The following FOXK2 variants were observed in gnomAD, a reference collection of about 807,000 sequenced individuals.
FOXK2 encodes the protein forkhead box K2.
In FOXK2, 24 loss-of-function variants were observed where a neutral mutation model predicts 53.3. That is an observed-to-expected ratio of 0.45 (90% confidence interval 0.33 to 0.63). The LOEUF is 0.63. Ranked by LOEUF, FOXK2 falls within the 30% of genes least tolerant of loss-of-function variation. FOXK2 has a pLI of 0.03. For synonymous variants in FOXK2, 505 were observed against 407.1 expected, an observed-to-expected ratio of 1.24 and a Z score of -2.89; for missense variants, 952 against 910.5, an observed-to-expected ratio of 1.05 and a Z score of -0.59.
chr17:82,571,882 C>T lies in FOXK2; in HGVS notation c.909+12C>T, dbSNP rs769043036. 3.9e-6 allele frequency: 6 copies of T among 1,538,928 alleles called. No homozygotes were observed. The highest frequency in any genetic ancestry group is 5.2e-6 in the Non-Finnish European group (6 of 1,148,362). On this transcript the variant is annotated intron_variant, in intron 4 of 8. Coordinates refer to ENST00000335255, the MANE Select transcript of FOXK2 (RefSeq NM_004514.4). The stretch of plus-strand genomic sequence containing the variant: ...ACAAGGGCTGGCAGGTAAATGCCTT[C>T]AGTTTGTTGTTAAATAGAGGCTGAT...
At chr17:82,571,296 A>G (rs2044914908) in intron 3 of FOXK2, among the ~76,000 whole-genome samples, 1 of 152,042 alleles carries the variant, frequency 6.6e-6, no homozygotes, top group Non-Finnish European at 1.5e-5. Flanking sequence ...TATTACTTTC[A>G]TAGTAAGAAA....
intron 8 of FOXK2, chr17:82,600,148 C>T (rs1040747838): frequency 6.6e-6 from 1 of 152,376 alleles, no homozygotes; most frequent in East Asian, 1.9e-4. Flanking sequence ...AGAAGTGCCC[C>T]CTGGGGAGGT....
chr17:82,600,397 G>T (rs1446775496), intron 8 of FOXK2: 1 of 152,276 alleles, frequency 6.6e-6, no homozygotes, highest in Non-Finnish European at 1.5e-5. Flanking sequence ...ATTCTCAAGA[G>T]TCCAGAGGCC....
In FOXK2 at chr17:82,571,845, A is replaced by G; in HGVS notation, c.884A>G (p.Tyr295Cys). Residue 295 changes from tyrosine to cysteine, a missense_variant, in exon 4 of 9, where the codon TAC (tyrosine) becomes TGC (cysteine). This residue lies in a region of FOXK2 where 160 missense variants were observed against 214.2 expected (regional missense o/e 0.75). Coordinates refer to ENST00000335255, the MANE Select transcript of FOXK2 (RefSeq NM_004514.4). Reference sequence around the variant, plus strand: ...CACATCACTAAAAATTATCCCTACTACAGGACTGCGGACAAGGGCTGGCAG... The same window carrying G: ...CACATCACTAAAAATTATCCCTACTGCAGGACTGCGGACAAGGGCTGGCAG... ...YTHITKNYPY[Y>C]RTADKGWQNS... 6.3e-7 allele frequency: 1 copy of G among 1,587,682 alleles called. No individual in the cohort carries two copies. The highest frequency in any genetic ancestry group is 8.5e-7 in the Non-Finnish European group (1 of 1,170,234).
chr17:82,595,057 G>T (rs2045295680), intron 8 of FOXK2, among the ~76,000 whole-genome samples: 1 of 152,176 alleles, frequency 6.6e-6, no homozygotes, highest in Admixed American at 6.6e-5. Context: ...AGTAAATGGA[G>T]GAATAGAAAC....
At chr17:82,560,323 T>G (rs2044779529) in intron 1 of FOXK2, among the ~76,000 whole-genome samples, 1 of 152,160 alleles carries the variant, frequency 6.6e-6, no homozygotes, top group East Asian at 1.9e-4. Context: ...CGCTGTTATT[T>G]AAGGGAAGCG....
rs937547633 is a variant in FOXK2, at chr17:82,602,064, C to T, written c.*565C>T. On this transcript the variant is annotated 3_prime_UTR_variant, in exon 9 of 9. Coordinates refer to ENST00000335255, the MANE Select transcript of FOXK2 (RefSeq NM_004514.4). ...AACAACGTAGTTTTGTTTTTGTTTTCAGCCTATGGAATGATTTCCTTTTGT... is the reference window on the plus strand; with the variant it reads ...AACAACGTAGTTTTGTTTTTGTTTTTAGCCTATGGAATGATTTCCTTTTGT... 6.6e-6 allele frequency: 1 copy of T among 152,600 alleles called. No individual in the cohort carries two copies. Among genetic ancestry groups the T allele is most frequent in the Non-Finnish European group, 1.5e-5 (1 of 68,172 alleles). 9.5% of individuals were successfully genotyped at this position (152,600 alleles called of 1,614,324 possible).
chr17:82,562,584 A>AG (rs1200387334), intron 1 of FOXK2, among the ~76,000 whole-genome samples: 1 of 151,868 alleles, frequency 6.6e-6, no homozygotes, highest in Non-Finnish European at 1.5e-5. Context: ...CTGTTTCTAA[A>AG]AAAAAAAAGG....
At chr17:82,581,960 A>T (rs934186419) in intron 4 of FOXK2, among the ~76,000 whole-genome samples, 8 of 152,190 alleles carry the variant, frequency 5.3e-5, no homozygotes, top group Admixed American at 1.3e-4. Flanking sequence ...GTTCAAATAA[A>T]AAAACAGGTA....
In FOXK2 at chr17:82,587,170, C is replaced by G. The variant is rs767010823; in HGVS notation, c.1684C>G (p.Gln562Glu). ...GGTCCAGACGGTGACCATAGTACAA[C>G]AGGCACCTCTAGGTCAACACCAGCT... ...TPVQTVTIVQ[Q>E]APLGQHQLPI... Residue 562 changes from glutamine to glutamate, a missense_variant, in exon 8 of 9, where the codon CAG becomes GAG. Around this residue, in one of 5 missense-constraint regions of FOXK2, gnomAD observed 551 missense variants for 385.1 expected, o/e 1.43. Coordinates refer to ENST00000335255, the MANE Select transcript of FOXK2 (RefSeq NM_004514.4). 1 of 1,613,114 alleles carries G rather than the reference C, an allele frequency of 6.2e-7. No individual in the cohort carries two copies. Among genetic ancestry groups the G allele is most frequent in the Admixed American group, 1.7e-5 (1 of 60,014 alleles).
chr17:82,596,547 G>GCCCTGGTGCCCTCGTCCCGCCC (rs1555644203), intron 8 of FOXK2, among the ~76,000 whole-genome samples: 2 of 152,092 alleles, frequency 1.3e-5, no homozygotes, highest in South Asian at 2.1e-4. Context: ...CGCACTTTCT[G>GCCCTGGTGCCCTCGTCCCGCCC]CGGGCAGTCT....
intron 3 of FOXK2, 32 bp from the exon 4 acceptor site, chr17:82,571,692 A>G (rs3794722): frequency 0.065 from 95,320 of 1,469,564 alleles, 3,607 homozygotes; most frequent in East Asian, 0.16. Context: ...GGTAACTTCA[A>G]TATTCGTTTT....
intron 4 of FOXK2, among the ~76,000 whole-genome samples, chr17:82,574,312 A>G (rs965230883): frequency 7.2e-6 from 1 of 138,568 alleles, no homozygotes; most frequent in Admixed American, 7.3e-5. Context: ...CATGGACATT[A>G]CTCTCTCTCT....
intron 1 of FOXK2, among the ~76,000 whole-genome samples, chr17:82,547,837 A>T (rs1346687721): frequency 6.6e-6 from 1 of 152,114 alleles, no homozygotes. Flanking sequence ...CCTCCCGTAG[A>T]AGTGTTTTCT....
chr17:82,586,413 GAGGAGAGGGGAGAC>G (rs2045160838), intron 7 of FOXK2, among the ~76,000 whole-genome samples: 1 of 129,790 alleles, frequency 7.7e-6, no homozygotes, highest in Non-Finnish European at 1.6e-5. Context: ...GGGGGGAAAG[GAGGAGAGGGGAGAC>G]CACAGGGAGG....
At chr17:82,550,564 G>A (rs1189897291) in intron 1 of FOXK2, among the ~76,000 whole-genome samples, 2 of 149,614 alleles carry the variant, frequency 1.3e-5, no homozygotes, top group Admixed American at 6.7e-5. Flanking sequence ...GTGCAGTGGC[G>A]CAATCTCGGC....
At position 82,519,941 on chromosome 17, in the gene FOXK2, G is replaced by T. The variant is rs949885510; in HGVS notation, c.53G>T (p.Gly18Val). The stretch of plus-strand genomic sequence containing the variant: ...GGCGCGGGCACGCCACCCGCGGGCG[G>T]CGGGGCCGGGGGCGGCGGGGCCGGG... ...LSGAGTPPAGGGAGGGGAGGG... is the reference protein window; with the variant it reads ...LSGAGTPPAGVGAGGGGAGGG... Residue 18 changes from glycine to valine, a missense_variant, in exon 1 of 9, where the codon GGC becomes GTC. Physicochemically the swap from Gly to Val is moderately radical, Grantham distance 109. Transcript: ENST00000335255. 9.8e-6 allele frequency: 8 copies of T among 820,406 alleles called. No individual in the cohort carries two copies. Among genetic ancestry groups the T allele is most frequent in the African/African-American group, 2.1e-5 (1 of 48,452 alleles). 50.8% of individuals were successfully genotyped at this position (820,406 alleles called of 1,614,324 possible).
intron 4 of FOXK2, among the ~76,000 whole-genome samples, chr17:82,575,052 A>G (rs2044966528): frequency 6.6e-6 from 1 of 152,248 alleles, no homozygotes; most frequent in African/African-American, 2.4e-5. Context: ...TTACTATTAA[A>G]CAAATCAAAG....
intron 4 of FOXK2, among the ~76,000 whole-genome samples, chr17:82,572,989 G>T (rs889057437): frequency 6.6e-6 from 1 of 152,004 alleles, no homozygotes; most frequent in African/African-American, 2.4e-5. Context: ...CTAGGATTTC[G>T]AGAGCAGCCT....
Sources: allele counts gnomAD v4.1 joint callset (sites outside exome capture counted in the v4.1 genomes callset), GRCh38; gene constraint gnomAD v4.1.1; regional missense constraint gnomAD v4.1.1; transcripts MANE v1.5; gene names NCBI Gene and HGNC (gene_info 2026-07-23, HGNC 2026-07-21).